WRAP53: variants seen among roughly 807,000 people sequenced by gnomAD.
The protein encoded by WRAP53 is WD repeat containing antisense to TP53, also known as telomerase Cajal body protein 1.
In WRAP53, 28 loss-of-function variants were observed where a neutral mutation model predicts 56.6. The observed-to-expected ratio is 0.50, with a 90% CI of 0.37 to 0.68. The LOEUF (loss-of-function observed/expected upper bound fraction) is 0.68, where lower values mean the gene tolerates loss of function less well. WRAP53 is among the 30% of genes least tolerant of loss of function. The probability of loss-of-function intolerance (pLI) is 0.00; values close to 1 mark genes in which losing one functional copy is unlikely to be tolerated. For missense variants in WRAP53, 671 were observed against 715.5 expected (o/e 0.94, Z 0.71); for synonymous variants, 283 against 283.4 (o/e 1.00, Z 0.01).
intron 4 of WRAP53, among the ~76,000 whole-genome samples, chr17:7,691,209 AAAACAAACAAACAAACAAAC>A (rs56358570): frequency 9.4e-5 from 14 of 148,906 alleles, no homozygotes; most frequent in African/African-American, 3.5e-4. Context: ...ACTCCATCCC[AAAACAAACAAACAAACAAAC>A]AAACAAACAA....
intron 4 of WRAP53, 103 bp downstream of exon 4, chr17:7,689,804 C>G (rs1432570772): frequency 5.2e-6 from 5 of 970,852 alleles, no homozygotes; most frequent in Non-Finnish European, 7.9e-6. Context: ...ACAAACGGGA[C>G]TGTTTTTCAA....
chr17:7,690,182 C>G (rs1205279733), intron 4 of WRAP53, among the ~76,000 whole-genome samples: 4 of 152,244 alleles, frequency 2.6e-5, no homozygotes, highest in Non-Finnish European at 5.9e-5. Context: ...TTCCTGACCT[C>G]AGAGGATCCG....
chr17:7,701,689 C>T lies in WRAP53; in HGVS notation c.855C>T (p.Phe285=). The T allele has an allele frequency of 6.2e-7, 1 of 1,614,260 alleles. No homozygotes were observed. The highest frequency in any genetic ancestry group is 8.5e-7 in the Non-Finnish European group (1 of 1,180,050). ...DELTAAHSLC[F]SPDGSQLFCG... ...TGACGGCAGCCCATTCGCTCTGCTT[C>T]TCCCCGGATGGCTCCCAGCTCTTCT... Residue 285 remains phenylalanine, a synonymous_variant, in exon 7 of 11, where the codon TTC becomes TTT. Transcript: ENST00000396463. The surrounding 1 kb of genome is among the most constrained non-coding windows in gnomAD (Gnocchi z 4.2).
chr17:7,694,466 C>G (rs933635120), intron 4 of WRAP53, among the ~76,000 whole-genome samples: 1 of 152,070 alleles, frequency 6.6e-6, no homozygotes, highest in African/African-American at 2.4e-5. Flanking sequence ...TGGTCTCAAA[C>G]TCCCGACCTC....
In WRAP53 at chr17:7,702,600, G is replaced by A. The variant is rs924865290; in HGVS notation, c.1164+48G>A. 1 of 1,597,080 alleles carries A rather than the reference G, an allele frequency of 6.3e-7. No individual in the cohort carries two copies. The highest frequency in any genetic ancestry group is 8.5e-7 in the Non-Finnish European group (1 of 1,176,462). ...CCAAAGCAGCTGGGCAGCGGGGCAG[G>A]AGCAGGGATGTAGTCTGCAGTGTAG... On this transcript the variant is annotated intron_variant, in intron 8 of 10. Coordinates refer to ENST00000396463, the MANE Select transcript of WRAP53 (RefSeq NM_001143992.2). This position sits in a 1 kb window ranked among gnomAD's most constrained non-coding sequence, Gnocchi z 5.0.
At position 7,702,835 on chromosome 17, in the gene WRAP53, C is replaced by G; in HGVS notation, c.1257C>G (p.Phe419Leu). ...TGACCACCAATCAGCGCATCTACTT[C>G]GATCTGGACCCGTGAGTGGCTGTGA... ...REVTTNQRIY[F>L]DLDPTGQFLV... The change falls in exon 9 of 11, where the codon TTC becomes TTG. Residue 419 changes from phenylalanine to leucine, a missense_variant. By Grantham distance (22) the Phe-to-Leu change is conservative (BLOSUM62 0). Coordinates refer to ENST00000396463, the MANE Select transcript of WRAP53 (RefSeq NM_001143992.2). The surrounding 1 kb of genome is among the most constrained non-coding windows in gnomAD (Gnocchi z 5.0). 1 of 1,613,882 alleles carries G rather than the reference C, an allele frequency of 6.2e-7. No homozygotes were observed. Among genetic ancestry groups the G allele is most frequent in the Non-Finnish European group, 8.5e-7 (1 of 1,179,962 alleles).
upstream of WRAP53, chr17:7,688,391 T>G: frequency 3.7e-6 from 2 of 546,368 alleles, no homozygotes; most frequent in Non-Finnish European, 6.5e-6. Context: ...CGAAATCTGA[T>G]CCGGGATGCG....
intron 4 of WRAP53, among the ~76,000 whole-genome samples, chr17:7,692,498 G>A (rs892590947): frequency 4.0e-5 from 6 of 150,404 alleles, no homozygotes; most frequent in African/African-American, 1.5e-4. Context: ...GCGGGCGCCT[G>A]TAATCCCAGC....
intron 4 of WRAP53, among the ~76,000 whole-genome samples, chr17:7,696,011 T>G (rs1205442858): frequency 2.0e-5 from 3 of 152,052 alleles, no homozygotes; most frequent in Non-Finnish European, 4.4e-5. Flanking sequence ...CCTCCTTCTC[T>G]GATAGGTATG....
chr17:7,692,375 T>G (rs1176117893), intron 4 of WRAP53, among the ~76,000 whole-genome samples: 4 of 151,418 alleles, frequency 2.6e-5, no homozygotes, highest in African/African-American at 9.7e-5. Context: ...ATCCCAGCAC[T>G]TTGGGAGGCT....
At chr17:7,690,727 T>C (rs1365659782) in intron 4 of WRAP53, among the ~76,000 whole-genome samples, 28 of 139,594 alleles carry the variant, frequency 2.0e-4, no homozygotes, top group Middle Eastern at 8.9e-3. Context: ...GCCTGGCCAA[T>C]ATGGCAAAAC....
chr17:7,697,752 C>T (rs1035134091), intron 4 of WRAP53, among the ~76,000 whole-genome samples: 2 of 152,154 alleles, frequency 1.3e-5, no homozygotes, highest in Non-Finnish European at 2.9e-5. Flanking sequence ...TATCTAATCT[C>T]TCTTATAGTA....
chr17:7,688,325 A>C, upstream of WRAP53: 1 of 398,674 alleles, frequency 2.5e-6, no homozygotes. Flanking sequence ...CTTGATGGGA[A>C]CGGGAAACCT....
chr17:7,694,190 T>A (rs997871860), intron 4 of WRAP53, among the ~76,000 whole-genome samples: 1 of 151,834 alleles, frequency 6.6e-6, no homozygotes, highest in Non-Finnish European at 1.5e-5. Context: ...TAAAACATTT[T>A]AAAAAATATA....
At chr17:7,697,614 G>A (rs1276384244) in intron 4 of WRAP53, among the ~76,000 whole-genome samples, 4 of 152,072 alleles carry the variant, frequency 2.6e-5, no homozygotes, top group Admixed American at 6.6e-5. Context: ...AGCCAAGATC[G>A]TGCCACTGCA....
At chr17:7,692,161 A>C (rs2074120093) in intron 4 of WRAP53, among the ~76,000 whole-genome samples, 1 of 149,996 alleles carries the variant, frequency 6.7e-6, no homozygotes, top group South Asian at 2.2e-4. Context: ...AAAACAGAAG[A>C]GTGAATGGTT....
At chr17:7,699,492 A>ATTTT (rs1567577468) in intron 4 of WRAP53, among the ~76,000 whole-genome samples, 1 of 13,614 alleles carries the variant, frequency 7.3e-5, no homozygotes, top group Non-Finnish European at 1.2e-4. Flanking sequence ...ATATATATAT[A>ATTTT]TATATATATT....
At position 7,700,731 on chromosome 17, in the gene WRAP53, C is replaced by CT. The variant is rs1214667284; in HGVS notation, c.643-9dup. 1 of 1,606,888 alleles carries CT rather than the reference C, an allele frequency of 6.2e-7. No homozygotes were observed. On this transcript the variant is annotated splice_polypyrimidine_tract_variant and intron_variant, in intron 4 of 10. Transcript: ENST00000396463. ...CCGAGTGACTCAGCCATTCCCCCGTCTCTGTATAGGTCCCTGTCCTTCGAA... is the reference window on the plus strand; with the variant it reads ...CCGAGTGACTCAGCCATTCCCCCGTCTTCTGTATAGGTCCCTGTCCTTCGAA...
chr17:7,700,165 C>T (rs1009380009), intron 4 of WRAP53, among the ~76,000 whole-genome samples: 10 of 152,034 alleles, frequency 6.6e-5, no homozygotes, highest in Non-Finnish European at 1.2e-4. Flanking sequence ...TCTCCTGCCT[C>T]AGCCTCCTGA....
Sources: gnomAD v4.1 joint callset for allele counts (sites outside exome capture counted in the v4.1 genomes callset) on GRCh38, gnomAD v4.1.1 for gene constraint, Gnocchi (gnomAD v3.1) non-coding constraint, MANE v1.5 for transcripts, NCBI Gene and HGNC (gene_info 2026-07-23, HGNC 2026-07-21) for gene names.